EVC2: variants seen among roughly 807,000 people sequenced by gnomAD.
EVC2 encodes the protein EvC ciliary complex subunit 2.
A neutral mutation model predicts 149.3 loss-of-function variants in EVC2; 148 were observed. The ratio of observed to expected loss-of-function variants is 0.99; its 90% confidence interval spans 0.87 to 1.14. EVC2 has a LOEUF of 1.14. EVC2 is among the 50% of genes most tolerant of loss of function. The pLI is 0.00. For missense variants in EVC2, 1,854 were observed against 1,627.3 expected, an observed-to-expected ratio of 1.14 and a Z score of -2.40; for synonymous variants, 776 against 649.9, an observed-to-expected ratio of 1.19 and a Z score of -2.95.
At chr4:5,566,860 C>T (rs572788351) in intron 20 of EVC2, among the ~76,000 whole-genome samples, 2 of 152,298 alleles carry the variant, frequency 1.3e-5, no homozygotes, top group East Asian at 1.9e-4. Context: ...CAGCCACACA[C>T]GTTCCTACTC....
rs1178004837 is a variant in EVC2 at position 5,614,046 on chromosome 4, T to C, written c.2829+1376A>G. Among the ~76,000 whole-genome samples the C allele has an allele frequency of 1.3e-5, 2 of 152,212 alleles. No homozygotes were observed. The highest frequency in any genetic ancestry group is 2.9e-5 in the Non-Finnish European group (2 of 68,032). On this transcript the variant is annotated intron_variant, in intron 16 of 21. Coordinates refer to ENST00000344408, the MANE Select transcript of EVC2 (RefSeq NM_147127.5). The surrounding 1 kb of genome is among the most constrained non-coding windows in gnomAD (Gnocchi z 4.7). ...ACAGCAGCTCTAAAGCATGGCTTCA[T>C]ACATTCATTCACTGAACATACTCCT...
intron 4 of EVC2, among the ~76,000 whole-genome samples, chr4:5,689,578 G>A (rs1250711890): frequency 1.3e-5 from 2 of 152,212 alleles, no homozygotes; most frequent in East Asian, 1.9e-4. Context: ...CTGAGATGCT[G>A]AAATGCAGTG....
chr4:5,697,974 A>T (rs1329998904), intron 1 of EVC2, among the ~76,000 whole-genome samples: 1 of 151,932 alleles, frequency 6.6e-6, no homozygotes, highest in Non-Finnish European at 1.5e-5. Context: ...GATGGTCTCC[A>T]TCTCCTGACC....
chr4:5,587,734 G>T, intron 16 of EVC2, among the ~76,000 whole-genome samples: 1 of 152,272 alleles, frequency 6.6e-6, no homozygotes, highest in African/African-American at 2.4e-5. Context: ...CTCTAAGGGG[G>T]TCCATGTGAG....
chr4:5,706,193 G>A lies in EVC2; in HGVS notation c.228+2093C>T, dbSNP rs114915143. Among the ~76,000 whole-genome samples the A allele has an allele frequency of 6.7e-3, 1,009 of 151,570 alleles. 17 individuals carry two copies. The highest frequency in any genetic ancestry group is 0.023 in the African/African-American group (951 of 41,260). On this transcript the variant is annotated intron_variant, in intron 1 of 21. Transcript: ENST00000344408. ...ACCTCCTTCCTCCACCCTCTCTCACGGCTCCCCATCCTCCTCCTCACAGCA... is the reference window on the plus strand; with the variant it reads ...ACCTCCTTCCTCCACCCTCTCTCACAGCTCCCCATCCTCCTCCTCACAGCA...
chr4:5,682,502 A>AC (rs1491457675), intron 6 of EVC2, among the ~76,000 whole-genome samples: 1 of 143,296 alleles, frequency 7.0e-6, no homozygotes, highest in Admixed American at 6.9e-5. Context: ...AAAAAAAAAA[A>AC]TAATAATAAT....
At chr4:5,590,327 AT>A (rs1712673946) in intron 16 of EVC2, among the ~76,000 whole-genome samples, 2 of 152,318 alleles carry the variant, frequency 1.3e-5, no homozygotes, top group African/African-American at 2.4e-5. Context: ...GAGGTGATCA[AT>A]AAAAATAAAA....
chr4:5,673,559 C>T (rs929569308), intron 7 of EVC2, among the ~76,000 whole-genome samples: 27 of 60,156 alleles, frequency 4.5e-4, no homozygotes, highest in African/African-American at 2.1e-3. Flanking sequence ...ATGGTTATCC[C>T]GGCTTCCCCC....
intron 7 of EVC2, among the ~76,000 whole-genome samples, chr4:5,671,894 C>T (rs778581857): frequency 1.3e-5 from 2 of 152,238 alleles, no homozygotes; most frequent in East Asian, 1.9e-4. Context: ...TTGCCTGAAA[C>T]GCTCTATTTA....
intron 16 of EVC2, among the ~76,000 whole-genome samples, chr4:5,612,817 G>C (rs1211324538): frequency 6.6e-6 from 1 of 151,086 alleles, no homozygotes; most frequent in African/African-American, 2.4e-5. Flanking sequence ...AGCTACTTGG[G>C]AGGCTGAGGC....
At chr4:5,601,736 T>C (rs1273250095) in intron 16 of EVC2, among the ~76,000 whole-genome samples, 1 of 152,202 alleles carries the variant, frequency 6.6e-6, no homozygotes, top group African/African-American at 2.4e-5. Flanking sequence ...GTTTCCTATG[T>C]GCCCTTTCCC....
At chr4:5,539,907 T>C (rs1721485393), downstream of EVC2, among the ~76,000 whole-genome samples, 1 of 152,144 alleles carries the variant, frequency 6.6e-6, no homozygotes, top group Non-Finnish European at 1.5e-5. Context: ...TAACTTCTGC[T>C]CTTCAAAAGA....
chr4:5,572,224 C>T (rs1050877734), intron 19 of EVC2, among the ~76,000 whole-genome samples: 2 of 152,182 alleles, frequency 1.3e-5, no homozygotes, highest in Admixed American at 6.5e-5. Context: ...TACCTGGTGC[C>T]TGCTGCCCAG....
intron 2 of EVC2, among the ~76,000 whole-genome samples, 177 bp downstream of exon 2, chr4:5,697,416 C>A (rs892613400): frequency 1.3e-5 from 2 of 152,172 alleles, no homozygotes; most frequent in African/African-American, 4.8e-5. Context: ...CTTCGGCCAG[C>A]TTTGAGGTGG....
rs1445564675 is a variant in EVC2, at chr4:5,618,643, C to T, written c.2541G>A (p.Glu847=). Residue 847 remains glutamate, a synonymous_variant, in exon 15 of 22, where the codon GAG becomes GAA. Coordinates refer to ENST00000344408, the MANE Select transcript of EVC2 (RefSeq NM_147127.5). The surrounding 1 kb of genome is among the most constrained non-coding windows in gnomAD (Gnocchi z 4.4). The part of the protein sequence containing the change: ...CSSVFSLSEE[E]LLRMRQEVHG... ...GGACCTCCTGCCTCATCCTGAGCAG[C>T]TCCTCTTCAGACAGGGAGAAGACTG... 6.2e-7 allele frequency: 1 copy of T among 1,610,586 alleles called. No individual in the cohort carries two copies. The highest frequency in any genetic ancestry group is 1.1e-5 in the South Asian group (1 of 90,110).
rs901252387 is a variant in EVC2 at position 5,649,904 on chromosome 4, C to T, written c.1146-9066G>A. On this transcript the variant is annotated intron_variant, in intron 9 of 21. Coordinates refer to ENST00000344408, the MANE Select transcript of EVC2 (RefSeq NM_147127.5). ...AATGGAAATTTGGGGAGAAAAATAC[C>T]TCCTGAGTATATTTGCTGTCCAAAT... Among the ~76,000 whole-genome samples the T allele has an allele frequency of 1.3e-4, 20 of 152,192 alleles. 1 individual carries two copies. The highest frequency in any genetic ancestry group is 4.8e-4 in the African/African-American group (20 of 41,520).
At chr4:5,653,217 T>A (rs1022086304) in intron 9 of EVC2, among the ~76,000 whole-genome samples, 10 of 152,194 alleles carry the variant, frequency 6.6e-5, no homozygotes, top group Non-Finnish European at 1.3e-4. Flanking sequence ...ACTGCAAAGA[T>A]TATACTTCCA....
chr4:5,681,408 G>A, intron 6 of EVC2, 95 bp from the exon 7 acceptor site: 2 of 1,261,510 alleles, frequency 1.6e-6, no homozygotes, highest in Non-Finnish European at 2.3e-6. Context: ...CAAGCCTGGA[G>A]CTACAATCAG....
intron 1 of EVC2, among the ~76,000 whole-genome samples, chr4:5,702,119 C>A (rs1457044800): frequency 6.6e-6 from 1 of 152,198 alleles, no homozygotes; most frequent in African/African-American, 2.4e-5. Context: ...TTACTCGGAA[C>A]AACTGTCGGA....
Sources: allele counts gnomAD v4.1 joint callset (sites outside exome capture counted in the v4.1 genomes callset), GRCh38; gene constraint gnomAD v4.1.1; non-coding constraint Gnocchi (gnomAD v3.1); transcripts MANE v1.5; gene names NCBI Gene and HGNC (gene_info 2026-07-23, HGNC 2026-07-21).